GPC6: variants seen among roughly 807,000 people sequenced by gnomAD.
GPC6 encodes the protein glypican 6, also known as glypican-6.
Under a neutral mutation model 55.2 loss-of-function variants are expected in GPC6, and 14 were observed. The observed-to-expected ratio is 0.25, with a 90% CI of 0.17 to 0.40. The LOEUF (loss-of-function observed/expected upper bound fraction) is 0.40. GPC6 is among the 10% of genes least tolerant of loss of function. GPC6 has a pLI of 1.00. For synonymous variants in GPC6, 278 were observed against 259.6 expected, an observed-to-expected ratio of 1.07 and a Z score of -0.68; for missense variants, 641 against 708.5, an observed-to-expected ratio of 0.90 and a Z score of 1.08.
intron 2 of GPC6, among the ~76,000 whole-genome samples, chr13:93,620,837 G>T (rs571004469): frequency 6.6e-6 from 1 of 152,162 alleles, no homozygotes; most frequent in African/African-American, 2.4e-5. Flanking sequence ...CAACCTTTCT[G>T]CCACCTTAGA....
At chr13:94,283,373 A>G (rs1489609583) in intron 4 of GPC6, among the ~76,000 whole-genome samples, 1 of 152,246 alleles carries the variant, frequency 6.6e-6, no homozygotes, top group African/African-American at 2.4e-5. Context: ...TGACTTATAC[A>G]TTAACTCCCA....
At chr13:93,696,565 C>CA (rs977590575) in intron 2 of GPC6, among the ~76,000 whole-genome samples, 1 of 146,504 alleles carries the variant, frequency 6.8e-6, no homozygotes, top group African/African-American at 2.5e-5. Context: ...AAAACAAAAA[C>CA]AAAAAACAAA....
At chr13:93,557,650 G>A (rs1443113596) in intron 2 of GPC6, among the ~76,000 whole-genome samples, 1 of 152,128 alleles carries the variant, frequency 6.6e-6, no homozygotes, top group Admixed American at 6.6e-5. Flanking sequence ...TTCAGCCCTT[G>A]AGGGTTCCAA....
At chr13:94,269,716 G>T (rs1891932397) in intron 4 of GPC6, among the ~76,000 whole-genome samples, 1 of 152,086 alleles carries the variant, frequency 6.6e-6, no homozygotes, top group Non-Finnish European at 1.5e-5. Flanking sequence ...GGATCAGTTT[G>T]CCTCTGCCCA....
intron 4 of GPC6, among the ~76,000 whole-genome samples, chr13:94,266,414 C>CACT (rs1891817690): frequency 6.6e-6 from 1 of 152,122 alleles, no homozygotes; most frequent in Non-Finnish European, 1.5e-5. Context: ...GTGATCCGCC[C>CACT]GCCTTGGCCT....
At chr13:93,221,776 A>T in the GPC6 span, among the ~76,000 whole-genome samples, 6 of 152,144 alleles carry the variant, frequency 3.9e-5, no homozygotes, top group Admixed American at 3.9e-4. Flanking sequence ...CAGCTTTTTC[A>T]TTACAGGCCC....
chr13:93,983,307 A>G (rs1413023693), intron 3 of GPC6, among the ~76,000 whole-genome samples: 1 of 152,182 alleles, frequency 6.6e-6, no homozygotes, highest in Non-Finnish European at 1.5e-5. Flanking sequence ...TCTCCTGATC[A>G]CCAAACTGGA....
chr13:93,786,801 T>C (rs1032592403), intron 2 of GPC6, among the ~76,000 whole-genome samples: 14 of 152,188 alleles, frequency 9.2e-5, no homozygotes, highest in Non-Finnish European at 1.8e-4. Context: ...TAATAAAGAC[T>C]ATCAGTGAAA....
intron 1 of GPC6, among the ~76,000 whole-genome samples, chr13:93,352,709 C>T (rs979674952): frequency 1.3e-5 from 2 of 152,052 alleles, no homozygotes; most frequent in Admixed American, 6.6e-5. Context: ...TCCCAGATTT[C>T]GCAGATCTTG....
At chr13:93,794,992 C>T (rs923949057) in intron 2 of GPC6, among the ~76,000 whole-genome samples, 14 of 152,174 alleles carry the variant, frequency 9.2e-5, no homozygotes, top group Non-Finnish European at 1.6e-4. Context: ...GGCAAATGCT[C>T]TCAGCATATA....
chr13:93,740,547 T>C (rs569016262), intron 2 of GPC6, among the ~76,000 whole-genome samples: 63 of 152,308 alleles, frequency 4.1e-4, no homozygotes, highest in African/African-American at 1.4e-3. Context: ...GGGGCTGAAA[T>C]TGATAAACAG....
At chr13:93,265,766 T>C (rs1877300365) in intron 1 of GPC6, among the ~76,000 whole-genome samples, 1 of 152,144 alleles carries the variant, frequency 6.6e-6, no homozygotes, top group Non-Finnish European at 1.5e-5. Context: ...ACTGTTACAT[T>C]TTTAGGCATT....
At chr13:93,322,471 T>C (rs1443041833) in intron 1 of GPC6, among the ~76,000 whole-genome samples, 2 of 146,994 alleles carry the variant, frequency 1.4e-5, no homozygotes, top group East Asian at 2.1e-4. Context: ...AGTTTCGCTC[T>C]TGTTGCCCAG....
intron 1 of GPC6, among the ~76,000 whole-genome samples, chr13:93,322,896 C>T (rs186622017): frequency 1.1e-4 from 16 of 152,084 alleles, no homozygotes; most frequent in African/African-American, 3.4e-4. Flanking sequence ...CCATCAACCC[C>T]GTCATCTACA....
chr13:93,477,263 T>G (rs904076345), intron 1 of GPC6, among the ~76,000 whole-genome samples: 2 of 152,184 alleles, frequency 1.3e-5, no homozygotes, highest in African/African-American at 4.8e-5. Context: ...TTTTACAAAT[T>G]CATAGAATTA....
rs116779956 is a variant in GPC6, at chr13:94,231,088, T to C, written c.878-55261T>C. Among the ~76,000 whole-genome samples, 1,036 of 152,236 alleles carry C rather than the reference T, an allele frequency of 6.8e-3. 17 individuals carry two copies. The highest frequency in any genetic ancestry group is 0.024 in the African/African-American group (981 of 41,538). On this transcript the variant is annotated intron_variant, in intron 4 of 8. Coordinates refer to ENST00000377047, the MANE Select transcript of GPC6 (RefSeq NM_005708.5). Reference sequence around the variant, plus strand: ...TGTTGCTAAGACTTTGGCTGAATTGTTCACTACTAGACCCCTAGAGCCTAG... The same window carrying C: ...TGTTGCTAAGACTTTGGCTGAATTGCTCACTACTAGACCCCTAGAGCCTAG...
In GPC6 at chr13:94,112,160, G is replaced by A. The variant is rs934888460; in HGVS notation, c.877+84266G>A. Among the ~76,000 whole-genome samples, 6 of 152,154 alleles carry A rather than the reference G, an allele frequency of 3.9e-5. 1 individual carries two copies. Among genetic ancestry groups the A allele is most frequent in the Non-Finnish European group, 7.4e-5 (5 of 67,990 alleles). On this transcript the variant is annotated intron_variant, in intron 4 of 8. Transcript: ENST00000377047. ...ACTAAAATGTCGATTACAGACTTTG[G>A]TATTGCCATGTTTTTTAATGAAGAT...
chr13:94,120,041 C>T (rs1194395424), intron 4 of GPC6, among the ~76,000 whole-genome samples: 1 of 151,934 alleles, frequency 6.6e-6, no homozygotes, highest in Non-Finnish European at 1.5e-5. Flanking sequence ...AATGAGTTAC[C>T]TATGTTTTAA....
At chr13:93,988,646 C>A (rs1881144937) in intron 3 of GPC6, among the ~76,000 whole-genome samples, 1 of 152,062 alleles carries the variant, frequency 6.6e-6, no homozygotes, top group Admixed American at 6.6e-5. Flanking sequence ...TCTCTGGGGT[C>A]TCTTTTACAA....
Sources: allele counts gnomAD v4.1 joint callset (sites outside exome capture counted in the v4.1 genomes callset), GRCh38; gene constraint gnomAD v4.1.1; transcripts MANE v1.5; gene names NCBI Gene and HGNC (gene_info 2026-07-23, HGNC 2026-07-21).